The following ABCA13 variants were observed in gnomAD, a reference collection of about 807,000 sequenced individuals.
ABCA13 encodes the protein ATP-binding cassette sub-family A member 13.
In ABCA13, 476 loss-of-function variants were observed where a neutral mutation model predicts 478.7. The ratio of observed to expected loss-of-function variants is 0.99; its 90% CI spans 0.92 to 1.07. The LOEUF is 1.07. Ranked by LOEUF, ABCA13 falls within the 50% of genes least tolerant of loss-of-function variation. ABCA13 has a pLI of 0.00. For synonymous variants in ABCA13, 2,252 were observed against 2,158.9 expected (o/e 1.04, Z -1.20); for missense variants, 6,060 against 5,910.6 (o/e 1.03, Z -0.83).
chr7:48,485,767 G>T (rs1269144019), intron 47 of ABCA13, among the ~76,000 whole-genome samples: 1 of 152,152 alleles, frequency 6.6e-6, no homozygotes, highest in Non-Finnish European at 1.5e-5. Context: ...TGTGGGCTGT[G>T]CATAACAGAT....
chr7:48,631,891 G>A (rs2131639898), intron 59 of ABCA13, among the ~76,000 whole-genome samples: 1 of 152,108 alleles, frequency 6.6e-6, no homozygotes, highest in South Asian at 2.1e-4. Context: ...CACTTCCCTG[G>A]CTAAGTATAT....
chr7:48,452,638 G>C (rs1284099709), intron 42 of ABCA13, among the ~76,000 whole-genome samples: 1 of 152,196 alleles, frequency 6.6e-6, no homozygotes, highest in Non-Finnish European at 1.5e-5. Flanking sequence ...AGTTTGGCAG[G>C]TGGCTAAGAA....
chr7:48,314,453 T>C (rs1031447048), intron 26 of ABCA13, 44 bp downstream of exon 26: 1 of 1,462,068 alleles, frequency 6.8e-7, no homozygotes, highest in Non-Finnish European at 9.2e-7. Flanking sequence ...GATTCGTTTG[T>C]ATCTTGATAA....
At chr7:48,181,322 T>C (rs1337480429) in intron 1 of ABCA13, among the ~76,000 whole-genome samples, 1 of 152,196 alleles carries the variant, frequency 6.6e-6, no homozygotes, top group East Asian at 1.9e-4. Flanking sequence ...CAAGTATTTC[T>C]TTGGTTAGTT....
At chr7:48,380,414 T>G (rs1316578364) in intron 35 of ABCA13, among the ~76,000 whole-genome samples, 1 of 152,226 alleles carries the variant, frequency 6.6e-6, no homozygotes, top group African/African-American at 2.4e-5. Context: ...TGGCGTTGTT[T>G]TCCAAAACAA....
chr7:48,357,175 A>C (rs1227736378), intron 31 of ABCA13, among the ~76,000 whole-genome samples: 1 of 151,974 alleles, frequency 6.6e-6, no homozygotes, highest in Non-Finnish European at 1.5e-5. Flanking sequence ...CTGCTTAAAA[A>C]AAAATCAGCT....
chr7:48,451,902 G>C (rs2129184940), intron 42 of ABCA13, among the ~76,000 whole-genome samples: 1 of 152,296 alleles, frequency 6.6e-6, no homozygotes, highest in East Asian at 1.9e-4. Context: ...TGAAACTAGA[G>C]TCCTTGAATA....
At chr7:48,355,386 G>A (rs1809733699) in intron 31 of ABCA13, among the ~76,000 whole-genome samples, 1 of 151,984 alleles carries the variant, frequency 6.6e-6, no homozygotes, top group Non-Finnish European at 1.5e-5. Context: ...AGTCACCAGA[G>A]CAGAGTGCAC....
At chr7:48,402,857 G>A (rs1032836861) in intron 38 of ABCA13, among the ~76,000 whole-genome samples, 7 of 152,202 alleles carry the variant, frequency 4.6e-5, no homozygotes, top group Admixed American at 1.3e-4. Flanking sequence ...CTGCAGCTCC[G>A]AGGAGACACT....
At chr7:48,385,980 T>G (rs1302383203) in intron 35 of ABCA13, among the ~76,000 whole-genome samples, 2 of 152,206 alleles carry the variant, frequency 1.3e-5, no homozygotes, top group Admixed American at 1.3e-4. Context: ...TCTCTTTATA[T>G]CCCTTGCCCA....
chr7:48,630,618 T>C (rs1052571643), intron 59 of ABCA13, among the ~76,000 whole-genome samples: 1 of 152,232 alleles, frequency 6.6e-6, no homozygotes, highest in African/African-American at 2.4e-5. Context: ...AAAAAACATA[T>C]ACATGCATGT....
intron 20 of ABCA13, among the ~76,000 whole-genome samples, chr7:48,294,671 C>T (rs1433898421): frequency 2.0e-5 from 3 of 151,862 alleles, no homozygotes; most frequent in African/African-American, 7.3e-5. Flanking sequence ...TGGTCTCGAT[C>T]TCCTGACCTC....
chr7:48,497,312 G>T (rs1257027642), intron 48 of ABCA13, among the ~76,000 whole-genome samples: 1 of 151,914 alleles, frequency 6.6e-6, no homozygotes, highest in Non-Finnish European at 1.5e-5. Flanking sequence ...TTTCTAATGA[G>T]ATTTTAATTT....
chr7:48,409,968 C>T (rs1168949115), intron 39 of ABCA13, among the ~76,000 whole-genome samples: 1 of 151,396 alleles, frequency 6.6e-6, no homozygotes, highest in Non-Finnish European at 1.5e-5. Flanking sequence ...GTGGCATGCG[C>T]CTGTAGTCCT....
intron 58 of ABCA13, among the ~76,000 whole-genome samples, chr7:48,602,452 T>C (rs1190729797): frequency 6.6e-6 from 1 of 152,198 alleles, no homozygotes; most frequent in African/African-American, 2.4e-5. Context: ...AGCTACCCAG[T>C]TTTCCCGACA....
intron 31 of ABCA13, among the ~76,000 whole-genome samples, chr7:48,363,438 A>G (rs937767615): frequency 4.6e-5 from 7 of 152,116 alleles, no homozygotes; most frequent in Non-Finnish European, 7.4e-5. Context: ...TTCTAGGACA[A>G]TTTTCTATGA....
Position 48,338,430 on chromosome 7 carries a change from A to G in ABCA13, c.10179A>G (p.Lys3393=), listed in dbSNP as rs1806610659. The stretch of plus-strand genomic sequence containing the variant: ...ACCAGTTGCACATTGATGTAGACAA[A>G]CTTACTGAAAAACTCCAGACATACG... The part of the protein sequence containing the change: ...VENQLHIDVD[K]LTEKLQTYGG... Residue 3393 remains lysine, a synonymous_variant, in exon 29 of 62, where the codon AAA becomes AAG. Transcript: ENST00000435803. 2 of 1,598,098 alleles carry G rather than the reference A, an allele frequency of 1.3e-6. No individual in the cohort carries two copies. Among genetic ancestry groups the G allele is most frequent in the African/African-American group, 2.7e-5 (2 of 74,574 alleles).
At chr7:48,451,288 C>T (rs1486509541) in intron 42 of ABCA13, among the ~76,000 whole-genome samples, 2 of 151,980 alleles carry the variant, frequency 1.3e-5, no homozygotes, top group South Asian at 2.1e-4. Flanking sequence ...TGTGAGCCAT[C>T]GCGCCCAGCA....
intron 31 of ABCA13, among the ~76,000 whole-genome samples, chr7:48,357,568 T>C (rs915159846): frequency 3.3e-5 from 5 of 151,968 alleles, no homozygotes; most frequent in Admixed American, 3.3e-4. Context: ...GCAAATCGTT[T>C]CTCCAATTTG....
Sources: gnomAD v4.1 joint callset for allele counts (sites outside exome capture counted in the v4.1 genomes callset) on GRCh38, gnomAD v4.1.1 for gene constraint, MANE v1.5 for transcripts, NCBI Gene and HGNC (gene_info 2026-07-23, HGNC 2026-07-21) for gene names.